The following PRKAG2 variants were observed in gnomAD, a reference collection of about 807,000 sequenced individuals.
The protein encoded by PRKAG2 is 5'-AMP-activated protein kinase subunit gamma-2.
Under a neutral mutation model 69.6 loss-of-function variants are expected in PRKAG2, and 26 were observed. The ratio of observed to expected loss-of-function variants is 0.37; its 90% CI spans 0.27 to 0.52. The LOEUF (loss-of-function observed/expected upper bound fraction) is 0.52, where lower values mean the gene tolerates loss of function less well. Among genes scored for constraint, PRKAG2 ranks in the 20% least tolerant of loss-of-function variants. The pLI is 0.90. For synonymous variants in PRKAG2, 293 were observed against 285.0 expected (o/e 1.03, Z -0.28); for missense variants, 557 against 740.0 (o/e 0.75, Z 2.87).
chr7:151,656,866 G>T (rs1476245533), intron 4 of PRKAG2, among the ~76,000 whole-genome samples: 1 of 152,190 alleles, frequency 6.6e-6, no homozygotes, highest in Non-Finnish European at 1.5e-5. Flanking sequence ...GCCAGGCTCG[G>T]TGGCTCACGC....
At chr7:151,825,072 G>A (rs1236977010) in intron 1 of PRKAG2, among the ~76,000 whole-genome samples, 1 of 152,098 alleles carries the variant, frequency 6.6e-6, no homozygotes, top group African/African-American at 2.4e-5. Context: ...AAATTAGCTG[G>A]GTGTGGTGGC....
chr7:151,640,168 G>A (rs1267539926), intron 4 of PRKAG2, among the ~76,000 whole-genome samples: 1 of 152,006 alleles, frequency 6.6e-6, no homozygotes, highest in Non-Finnish European at 1.5e-5. Context: ...AAAATTAGCC[G>A]GGTATGGGGC....
Position 151,777,884 on chromosome 7 carries a change from G to T in PRKAG2, c.466+3268C>A, listed in dbSNP as rs924337574. On this transcript the variant is annotated intron_variant, in intron 3 of 15. Transcript: ENST00000287878. This position sits in a 1 kb window ranked among gnomAD's most constrained non-coding sequence, Gnocchi z 4.3. ...GGATTATGGGAGGGGCCTGAACCGG[G>T]CTAACATGCAGGTGTAGTTTCTATG... Among the ~76,000 whole-genome samples the T allele has an allele frequency of 2.0e-5, 3 of 152,170 alleles. No individual in the cohort carries two copies. Among genetic ancestry groups the T allele is most frequent in the Non-Finnish European group, 1.5e-5 (1 of 68,022 alleles).
intron 1 of PRKAG2, among the ~76,000 whole-genome samples, chr7:151,816,238 C>T (rs1446595012): frequency 6.6e-6 from 1 of 152,220 alleles, no homozygotes; most frequent in Non-Finnish European, 1.5e-5. Context: ...AATCACAGGC[C>T]TGGCGTGCTG....
chr7:151,719,112 C>G lies in PRKAG2; in HGVS notation c.467-43475G>C, dbSNP rs900375330. On this transcript the variant is annotated intron_variant, in intron 3 of 15. Transcript: ENST00000287878. The surrounding 1 kb of genome is among the most constrained non-coding windows in gnomAD (Gnocchi z 5.2). The stretch of plus-strand genomic sequence containing the variant: ...GGGACTGAAGGAGACGTGTGCCACC[C>G]TGTTCCCCGAGCGTTGCTCCGGGAG... Among the ~76,000 whole-genome samples the G allele has an allele frequency of 2.6e-5, 4 of 152,216 alleles. No individual in the cohort carries two copies. Among genetic ancestry groups the G allele is most frequent in the Non-Finnish European group, 2.9e-5 (2 of 68,044 alleles).
Position 151,835,360 on chromosome 7 carries a change from T to A in PRKAG2, c.114+41147A>T, listed in dbSNP as rs2079124022. 6.6e-6 allele frequency among the ~76,000 whole-genome samples: 1 copy of A among 152,056 alleles called. No homozygotes were observed. The highest frequency in any genetic ancestry group is 1.5e-5 in the Non-Finnish European group (1 of 68,006). ...ATATTTTTATTTTTTATTATTTTTA[T>A]TATTTTTAATTTTTTGTAGAGACGG... On this transcript the variant is annotated intron_variant, in intron 1 of 15. Transcript: ENST00000287878. The surrounding 1 kb of genome is among the most constrained non-coding windows in gnomAD (Gnocchi z 4.1).
chr7:151,828,146 A>C lies in PRKAG2; in HGVS notation c.115-41605T>G, dbSNP rs1484535820. Among the ~76,000 whole-genome samples the C allele has an allele frequency of 3.3e-5, 5 of 152,250 alleles. No homozygotes were observed. The highest frequency in any genetic ancestry group is 2.6e-4 in the Admixed American group (4 of 15,288). On this transcript the variant is annotated intron_variant, in intron 1 of 15. Transcript: ENST00000287878. This position sits in a 1 kb window ranked among gnomAD's most constrained non-coding sequence, Gnocchi z 4.6. The stretch of plus-strand genomic sequence containing the variant: ...TGCTACCCAGGGGAGCCCCGACCCC[A>C]GGCTGGCCCTGGAATGAGTGCAACT...
intron 1 of PRKAG2, among the ~76,000 whole-genome samples, chr7:151,851,333 G>A (rs1563753502): frequency 6.7e-6 from 1 of 148,302 alleles, no homozygotes; most frequent in Non-Finnish European, 1.5e-5. Flanking sequence ...CGAGTTTGGG[G>A]CCTCTGGCAA....
chr7:151,640,484 A>G (rs574595910), intron 4 of PRKAG2, among the ~76,000 whole-genome samples: 125 of 152,152 alleles, frequency 8.2e-4, no homozygotes, highest in African/African-American at 2.7e-3. Context: ...ACCTTAAGGC[A>G]TTGTCCTGGA....
At chr7:151,666,294 C>T (rs1013911027) in intron 4 of PRKAG2, among the ~76,000 whole-genome samples, 5 of 152,184 alleles carry the variant, frequency 3.3e-5, no homozygotes, top group African/African-American at 4.8e-5. Flanking sequence ...ATAGGGTAGG[C>T]CCTAGTCCAA....
chr7:151,672,358 G>T (rs536623001), intron 4 of PRKAG2, among the ~76,000 whole-genome samples: 34 of 152,248 alleles, frequency 2.2e-4, no homozygotes, highest in South Asian at 1.5e-3. Context: ...GCCTCCCAAA[G>T]TGCTGGGATT....
At chr7:151,868,472 C>T (rs967031130) in intron 1 of PRKAG2, among the ~76,000 whole-genome samples, 1 of 152,246 alleles carries the variant, frequency 6.6e-6, no homozygotes, top group African/African-American at 2.4e-5. Flanking sequence ...GAGCGAGTCA[C>T]GGTTAAAGAA....
chr7:151,671,171 C>CAAAAA (rs11296795), intron 4 of PRKAG2, among the ~76,000 whole-genome samples: 1 of 55,416 alleles, frequency 1.8e-5, no homozygotes, highest in Non-Finnish European at 3.1e-5. Flanking sequence ...TAGACTGTCT[C>CAAAAA]AAAAAAAAAA....
intron 3 of PRKAG2, among the ~76,000 whole-genome samples, chr7:151,693,136 G>A (rs1267525797): frequency 6.6e-6 from 1 of 152,200 alleles, no homozygotes; most frequent in Non-Finnish European, 1.5e-5. Flanking sequence ...AGGGGTCTTT[G>A]GTATATCTCT....
rs1195667863 is a variant in PRKAG2, at chr7:151,816,648, G to A, written c.115-30107C>T. Among the ~76,000 whole-genome samples the A allele has an allele frequency of 4.6e-5, 7 of 152,220 alleles. No homozygotes were observed. The East Asian group carries it at 9.6e-4, about 21-fold the overall frequency. On this transcript the variant is annotated intron_variant, in intron 1 of 15. Transcript: ENST00000287878. ...ACCTGAGGTTTAGCAGAAAGCTGGC[G>A]CCATTTGGCGAAGATCGAAGGGCCA...
chr7:151,713,774 C>A (rs1189317224), intron 3 of PRKAG2, among the ~76,000 whole-genome samples: 2 of 151,908 alleles, frequency 1.3e-5, no homozygotes, highest in Admixed American at 6.6e-5. Flanking sequence ...GAGAAGGGGT[C>A]TATGTTGCCC....
rs571066367 is a variant in PRKAG2, at chr7:151,589,403, TC to T, written c.864+5941del. On this transcript the variant is annotated intron_variant, in intron 6 of 15. Coordinates refer to ENST00000287878, the MANE Select transcript of PRKAG2 (RefSeq NM_016203.4). Reference sequence around the variant, plus strand: ...GTGAAACATGGGTCACTGAGCCTCATCCCCCCGTTTTGGATTCGGGTCTCAG... The same window carrying T: ...GTGAAACATGGGTCACTGAGCCTCATCCCCCGTTTTGGATTCGGGTCTCAG... Among the ~76,000 whole-genome samples, 55 of 152,182 alleles carry T rather than the reference TC, an allele frequency of 3.6e-4. No homozygotes were observed. The South Asian group carries it at 0.011, about 31-fold the overall frequency.
At chr7:151,623,199 T>C (rs890084594) in intron 5 of PRKAG2, among the ~76,000 whole-genome samples, 6 of 151,660 alleles carry the variant, frequency 4.0e-5, no homozygotes, top group Non-Finnish European at 5.9e-5. Context: ...ACCCCGTCTC[T>C]ACAAAAATAC....
intron 1 of PRKAG2, among the ~76,000 whole-genome samples, chr7:151,866,799 C>G (rs1336406530): frequency 6.6e-6 from 1 of 152,114 alleles, no homozygotes; most frequent in Non-Finnish European, 1.5e-5. Flanking sequence ...GTGGAGCCTG[C>G]CTGCCTGCCC....
Sources: gnomAD v4.1 joint callset for allele counts (sites outside exome capture counted in the v4.1 genomes callset) on GRCh38, gnomAD v4.1.1 for gene constraint, Gnocchi (gnomAD v3.1) non-coding constraint, MANE v1.5 for transcripts, NCBI Gene and HGNC (gene_info 2026-07-23, HGNC 2026-07-21) for gene names.